The following ASTN2 variants were observed in gnomAD, a reference collection of about 807,000 sequenced individuals.
The protein encoded by ASTN2 is astrotactin-2.
A neutral mutation model predicts 139.8 loss-of-function variants in ASTN2; 54 were observed. The observed-to-expected ratio is 0.39, with a 90% CI of 0.31 to 0.48. ASTN2 has a LOEUF of 0.48. Ranked by LOEUF, ASTN2 falls within the 20% of genes least tolerant of loss-of-function variation. ASTN2 has a pLI of 0.95. For synonymous variants in ASTN2, 756 were observed against 719.5 expected, an observed-to-expected ratio of 1.05 and a Z score of -0.81; for missense variants, 1,565 against 1,725.1, an observed-to-expected ratio of 0.91 and a Z score of 1.64.
At chr9:117,109,335 A>T (rs943113531) in intron 4 of ASTN2, among the ~76,000 whole-genome samples, 10 of 143,388 alleles carry the variant, frequency 7.0e-5, no homozygotes, top group South Asian at 2.2e-4. Context: ...CCTGTCTCAA[A>T]AAATAAATAA....
intron 20 of ASTN2, among the ~76,000 whole-genome samples, chr9:116,478,444 T>A (rs1307527440): frequency 6.6e-6 from 1 of 152,092 alleles, no homozygotes; most frequent in Non-Finnish European, 1.5e-5. Context: ...GGATAAACCC[T>A]GGGCTGCAGC....
rs1476433302 is a variant in ASTN2 at position 117,414,737 on chromosome 9, C to A, written c.202G>T (p.Val68Phe). ...EPDSPCRLKT[V>F]TVSTLPALRE... ...AGGGCGGGCAGTGTGGACACCGTGA[C>A]GGTCTTCAGCCGGCACGGGCTGTCG... Residue 68 changes from valine (V) to phenylalanine (F), a missense_variant, in exon 1 of 23, where the codon GTC (valine) becomes TTC (phenylalanine). Physicochemically the swap from Val to Phe is conservative, Grantham distance 50 (BLOSUM62 -1). Coordinates refer to ENST00000313400, the MANE Select transcript of ASTN2 (RefSeq NM_001365068.1). This position sits in a 1 kb window ranked among gnomAD's most constrained non-coding sequence, Gnocchi z 4.2. The A allele has an allele frequency of 3.1e-6, 4 of 1,274,304 alleles. No individual in the cohort carries two copies. The African/African-American group carries it at 4.7e-5, about 15-fold the overall frequency. 78.9% of individuals were successfully genotyped at this position (1,274,304 alleles called of 1,614,324 possible). A position where few individuals can be genotyped will look rare whatever the true frequency, so the allele number is the denominator to read the frequency against.
Position 117,180,827 on chromosome 9 carries a change from T to G in ASTN2, c.1015+33531A>C, listed in dbSNP as rs182109306. Reference sequence around the variant, plus strand: ...TCAAATTCATCAACATTGAACTTGGTGAAGCCCCACTTCTTTGAGATGCGG... The same window carrying G: ...TCAAATTCATCAACATTGAACTTGGGGAAGCCCCACTTCTTTGAGATGCGG... On this transcript the variant is annotated intron_variant, in intron 3 of 22. Coordinates refer to ENST00000313400, the MANE Select transcript of ASTN2 (RefSeq NM_001365068.1). 311 of 1,548,752 alleles carry G rather than the reference T, an allele frequency of 2.0e-4. 2 individuals carry two copies. The East Asian group carries it at 6.6e-3, about 33-fold the overall frequency.
chr9:116,737,729 C>T (rs1433236042), intron 13 of ASTN2, among the ~76,000 whole-genome samples: 1 of 151,628 alleles, frequency 6.6e-6, no homozygotes, highest in African/African-American at 2.4e-5. Context: ...TTGACCATCT[C>T]CTATACTCAA....
At chr9:116,503,388 T>C (rs780056747) in intron 19 of ASTN2, among the ~76,000 whole-genome samples, 3 of 152,100 alleles carry the variant, frequency 2.0e-5, no homozygotes, top group Non-Finnish European at 4.4e-5. Flanking sequence ...CACCCACATA[T>C]AGAGGTTTTC....
chr9:116,884,803 G>GCCCCCCCCCCCC (rs759933298), intron 10 of ASTN2, among the ~76,000 whole-genome samples: 9 of 69,636 alleles, frequency 1.3e-4, no homozygotes, highest in Admixed American at 3.1e-4. Context: ...CCAAATATCC[G>GCCCCCCCCCCCC]CCCCCCCCCC....
At chr9:116,880,343 CTT>C (rs1188302161) in intron 10 of ASTN2, among the ~76,000 whole-genome samples, 1 of 152,134 alleles carries the variant, frequency 6.6e-6, no homozygotes, top group Non-Finnish European at 1.5e-5. Flanking sequence ...TTGGAAAAAG[CTT>C]TTCTCTGTAT....
chr9:116,536,455 T>C (rs1005855876), intron 19 of ASTN2, among the ~76,000 whole-genome samples: 5 of 152,196 alleles, frequency 3.3e-5, no homozygotes, highest in Admixed American at 6.5e-5. Flanking sequence ...TTTTCAGCTT[T>C]TCTGCTCTGC....
intron 1 of ASTN2, among the ~76,000 whole-genome samples, chr9:117,381,474 G>A (rs1830268884): frequency 6.6e-6 from 1 of 152,104 alleles, no homozygotes; most frequent in South Asian, 2.1e-4. Flanking sequence ...CATCCACTTG[G>A]TACCACCCTC....
At chr9:117,003,675 T>C (rs892013993) in intron 7 of ASTN2, among the ~76,000 whole-genome samples, 1 of 151,742 alleles carries the variant, frequency 6.6e-6, no homozygotes, top group Non-Finnish European at 1.5e-5. Context: ...GAGAACAGCA[T>C]TAGAAACCAC....
At chr9:117,029,252 A>C (rs1002978771) in intron 6 of ASTN2, among the ~76,000 whole-genome samples, 5 of 152,184 alleles carry the variant, frequency 3.3e-5, no homozygotes. Flanking sequence ...CCTGGCACTT[A>C]GCAACTCTTC....
chr9:116,508,956 T>A (rs1850235001), intron 19 of ASTN2, among the ~76,000 whole-genome samples: 1 of 152,176 alleles, frequency 6.6e-6, no homozygotes, highest in African/African-American at 2.4e-5. Context: ...GGGCTCAGCA[T>A]CTACAGCTTC....
intron 1 of ASTN2, among the ~76,000 whole-genome samples, chr9:117,347,337 G>C (rs566816638): frequency 6.6e-6 from 1 of 152,082 alleles, no homozygotes; most frequent in South Asian, 2.1e-4. Flanking sequence ...AACAATGAGA[G>C]AGCGCTTCCT....
intron 3 of ASTN2, among the ~76,000 whole-genome samples, chr9:117,203,810 C>T (rs1015544549): frequency 6.6e-6 from 1 of 152,090 alleles, no homozygotes; most frequent in African/African-American, 2.4e-5. Context: ...TCTGACAACC[C>T]CTGTTGGAGG....
intron 10 of ASTN2, among the ~76,000 whole-genome samples, chr9:116,945,742 A>G (rs1329945276): frequency 6.6e-6 from 1 of 152,174 alleles, no homozygotes; most frequent in Non-Finnish European, 1.5e-5. Context: ...AGTTATGAAC[A>G]ACACACATAG....
chr9:116,684,358 A>G (rs1230289186), intron 16 of ASTN2, among the ~76,000 whole-genome samples: 2 of 152,204 alleles, frequency 1.3e-5, no homozygotes, highest in Non-Finnish European at 2.9e-5. Context: ...TGGGGTCTGG[A>G]GAGAGAGAAA....
chr9:116,624,538 A>T (rs1856342565), intron 17 of ASTN2, among the ~76,000 whole-genome samples: 1 of 152,232 alleles, frequency 6.6e-6, no homozygotes, highest in Non-Finnish European at 1.5e-5. Flanking sequence ...AAACTATGAC[A>T]ATATCTTAGG....
chr9:117,368,204 T>C (rs1269131939), intron 1 of ASTN2, among the ~76,000 whole-genome samples: 1 of 152,036 alleles, frequency 6.6e-6, no homozygotes, highest in African/African-American at 2.4e-5. Context: ...GCAACAAAAA[T>C]AGCTTCCAGG....
intron 3 of ASTN2, among the ~76,000 whole-genome samples, chr9:117,195,954 G>T (rs1401250526): frequency 2.6e-5 from 4 of 152,156 alleles, no homozygotes; most frequent in Admixed American, 2.6e-4. Context: ...AACACATGTT[G>T]ATTACCTATT....
Sources: gnomAD v4.1 joint callset for allele counts (sites outside exome capture counted in the v4.1 genomes callset) on GRCh38, gnomAD v4.1.1 for gene constraint, Gnocchi (gnomAD v3.1) non-coding constraint, MANE v1.5 for transcripts, NCBI Gene and HGNC (gene_info 2026-07-23, HGNC 2026-07-21) for gene names.